Variants in GALNT2 observed in about 807,000 individuals in gnomAD.
GALNT2 encodes UDP-GalNAc:polypeptide N-acetylgalactosaminyltransferase 2.
In GALNT2, 31 loss-of-function variants were observed where a neutral mutation model predicts 81.4. The ratio of observed to expected loss-of-function variants is 0.38; its 90% CI spans 0.29 to 0.51. GALNT2 has a LOEUF of 0.51. Ranked by LOEUF, GALNT2 falls within the 20% of genes least tolerant of loss-of-function variation. The probability of loss-of-function intolerance (pLI) is 0.87; values close to 1 mark genes in which losing one functional copy is unlikely to be tolerated. For missense variants in GALNT2, 629 were observed against 765.7 expected (o/e 0.82, Z 2.11); for synonymous variants, 303 against 287.4 (o/e 1.05, Z -0.55).
upstream of GALNT2, among the ~76,000 whole-genome samples, chr1:230,065,647 G>A (rs1270292418): frequency 1.3e-5 from 2 of 152,162 alleles, no homozygotes; most frequent in African/African-American, 4.8e-5. Context: ...GCATTTTGAG[G>A]CAGGGTTCCC....
intron 1 of GALNT2, among the ~76,000 whole-genome samples, chr1:230,162,545 C>G (rs1262935741): frequency 6.6e-6 from 1 of 152,180 alleles, no homozygotes; most frequent in East Asian, 1.9e-4. Flanking sequence ...TAGATTCCCT[C>G]CATAGAAGCT....
intron 2 of GALNT2, among the ~76,000 whole-genome samples, chr1:230,201,430 A>G (rs1018649991): frequency 1.3e-5 from 2 of 152,086 alleles, no homozygotes; most frequent in African/African-American, 4.8e-5. Context: ...TAGAAAATTT[A>G]CTCTTCTGTC....
At chr1:230,072,635 G>A (rs978441386) in intron 1 of GALNT2, among the ~76,000 whole-genome samples, 1 of 152,212 alleles carries the variant, frequency 6.6e-6, no homozygotes, top group Non-Finnish European at 1.5e-5. Flanking sequence ...GTACAAGTCA[G>A]TGGATATCCA....
chr1:230,134,073 G>A (rs1474413246), intron 1 of GALNT2, among the ~76,000 whole-genome samples: 1 of 147,966 alleles, frequency 6.8e-6, no homozygotes, highest in Non-Finnish European at 1.5e-5. Context: ...TGGTTGGTTT[G>A]CTTGATTTTG....
chr1:230,087,825 G>A (rs1034040509), intron 1 of GALNT2, among the ~76,000 whole-genome samples: 1 of 152,178 alleles, frequency 6.6e-6, no homozygotes, highest in East Asian at 1.9e-4. Context: ...TTAATATTCA[G>A]AGTTAAATAT....
At chr1:230,113,910 T>G (rs1010516988) in intron 1 of GALNT2, among the ~76,000 whole-genome samples, 4 of 146,878 alleles carry the variant, frequency 2.7e-5, no homozygotes, top group Non-Finnish European at 6.1e-5. Flanking sequence ...TTGTTTTTTG[T>G]TTTTTTTTTC....
At chr1:230,237,197 C>A (rs1407218566) in intron 6 of GALNT2, among the ~76,000 whole-genome samples, 1 of 152,202 alleles carries the variant, frequency 6.6e-6, no homozygotes, top group Non-Finnish European at 1.5e-5. Flanking sequence ...AACCTCGGAA[C>A]CTTCTGTCAG....
In GALNT2 at chr1:230,275,813, A is replaced by AT. The variant is rs1666287495; in HGVS notation, c.1560+1249_1560+1250insT. On this transcript the variant is annotated intron_variant, in intron 15 of 15. Coordinates refer to ENST00000366672, the MANE Select transcript of GALNT2 (RefSeq NM_004481.5). The surrounding 1 kb of genome is among the most constrained non-coding windows in gnomAD (Gnocchi z 5.5). ...TATATACATGCCACATATATATACAAATATACATGCCACATATATACATGT... is the reference window on the plus strand; with the variant it reads ...TATATACATGCCACATATATATACAATATATACATGCCACATATATACATGT... 6.6e-6 allele frequency among the ~76,000 whole-genome samples: 1 copy of AT among 150,644 alleles called. No individual in the cohort carries two copies. Among genetic ancestry groups the AT allele is most frequent in the Non-Finnish European group, 1.5e-5 (1 of 67,610 alleles).
intron 1 of GALNT2, among the ~76,000 whole-genome samples, chr1:230,134,745 T>TA (rs547547550): frequency 5.3e-5 from 8 of 152,172 alleles, no homozygotes; most frequent in Non-Finnish European, 1.0e-4. Context: ...CGTGGGGTGA[T>TA]ACAGCAGCGA....
intron 1 of GALNT2, among the ~76,000 whole-genome samples, chr1:230,105,664 A>T (rs915895781): frequency 4.6e-5 from 7 of 152,174 alleles, no homozygotes; most frequent in Non-Finnish European, 8.8e-5. Context: ...TCAGCATTCG[A>T]AAGTGAGGGC....
chr1:230,216,470 C>T (rs1664392749), intron 3 of GALNT2, among the ~76,000 whole-genome samples: 1 of 152,202 alleles, frequency 6.6e-6, no homozygotes, highest in African/African-American at 2.4e-5. Flanking sequence ...TTGGAGTTGT[C>T]TCACCCCGTT....
chr1:230,186,132 C>T (rs542424535), intron 2 of GALNT2, among the ~76,000 whole-genome samples: 3 of 152,208 alleles, frequency 2.0e-5, no homozygotes, highest in East Asian at 1.9e-4. Flanking sequence ...ACTGGACGTC[C>T]GTTTATGAAG....
chr1:230,110,872 G>A lies in GALNT2; in HGVS notation c.126+43466G>A, dbSNP rs116773387. On this transcript the variant is annotated intron_variant, in intron 1 of 15. Transcript: ENST00000366672. ...GTGGAGTATATAGTTTCCTCTGGGT[G>A]GGTTACTGACAGACCATGGGAGTTC... Among the ~76,000 whole-genome samples, 481 of 152,224 alleles carry A rather than the reference G, an allele frequency of 3.2e-3. 3 individuals are homozygous for A. Among genetic ancestry groups the A allele is most frequent in the African/African-American group, 0.011 (449 of 41,540 alleles).
At chr1:230,174,963 G>A (rs559344426) in intron 1 of GALNT2, among the ~76,000 whole-genome samples, 53 of 152,256 alleles carry the variant, frequency 3.5e-4, no homozygotes, top group African/African-American at 1.1e-3. Context: ...TGTTCTACGC[G>A]GGGCCTGTGC....
rs536050087 is a variant in GALNT2, at chr1:230,253,140, G to A, written c.1010-2078G>A. Reference sequence around the variant, plus strand: ...TGGGATTACAGGCATGAGCCACTGCGCCCAGCCGACAACTTCTTAGGTTGT... The same window carrying A: ...TGGGATTACAGGCATGAGCCACTGCACCCAGCCGACAACTTCTTAGGTTGT... On this transcript the variant is annotated intron_variant, in intron 10 of 15. Coordinates refer to ENST00000366672, the MANE Select transcript of GALNT2 (RefSeq NM_004481.5). Among the ~76,000 whole-genome samples, 37 of 152,268 alleles carry A rather than the reference G, an allele frequency of 2.4e-4. No individual in the cohort carries two copies. The South Asian group carries it at 2.5e-3, about 10-fold the overall frequency.
chr1:230,206,870 A>G (rs187763531), intron 3 of GALNT2, among the ~76,000 whole-genome samples: 21 of 152,210 alleles, frequency 1.4e-4, no homozygotes, highest in Admixed American at 6.5e-4. Context: ...TCTGTAACCT[A>G]TGAAGATTAA....
chr1:230,082,933 G>A (rs556127696), intron 1 of GALNT2, among the ~76,000 whole-genome samples: 28 of 151,656 alleles, frequency 1.8e-4, no homozygotes, highest in Middle Eastern at 3.4e-3. Flanking sequence ...TGATGGAGCC[G>A]GGAGCTGGGA....
chr1:230,094,463 C>T (rs547552888), intron 1 of GALNT2, among the ~76,000 whole-genome samples: 1 of 152,142 alleles, frequency 6.6e-6, no homozygotes, highest in African/African-American at 2.4e-5. Context: ...AGTGAAACCC[C>T]CCTCTCTACT....
intron 1 of GALNT2, among the ~76,000 whole-genome samples, chr1:230,088,347 G>A (rs1659956672): frequency 6.6e-6 from 1 of 151,870 alleles, no homozygotes. Context: ...TGTAATATTT[G>A]TCCTTTTCTG....
Sources: allele counts gnomAD v4.1 joint callset (sites outside exome capture counted in the v4.1 genomes callset), GRCh38; gene constraint gnomAD v4.1.1; non-coding constraint Gnocchi (gnomAD v3.1); transcripts MANE v1.5; gene names NCBI Gene and HGNC (gene_info 2026-07-23, HGNC 2026-07-21).